Variants in AKAP7 observed in about 807,000 individuals in gnomAD.
The protein encoded by AKAP7 is A kinase (PRKA) anchor protein 7.
A neutral mutation model predicts 39.5 loss-of-function variants in AKAP7; 39 were observed. The ratio of observed to expected loss-of-function variants is 0.99; its 90% CI spans 0.76 to 1.29. The LOEUF (loss-of-function observed/expected upper bound fraction) is 1.29. Ranked by LOEUF, AKAP7 falls within the 50% of genes most tolerant of loss-of-function variation. The pLI is 0.00. For missense variants in AKAP7, 414 were observed against 407.7 expected (o/e 1.02, Z -0.13); for synonymous variants, 140 against 139.1 (o/e 1.01, Z -0.05).
intron 7 of AKAP7, among the ~76,000 whole-genome samples, chr6:131,247,269 G>GTGTATATATA (rs1244438178): frequency 1.5e-4 from 14 of 91,906 alleles, no homozygotes; most frequent in African/African-American, 3.7e-4. Flanking sequence ...CATTTCATAT[G>GTGTATATATA]TATATATATA....
intron 6 of AKAP7, among the ~76,000 whole-genome samples, chr6:131,201,421 A>G (rs911826842): frequency 6.6e-6 from 1 of 152,184 alleles, no homozygotes; most frequent in African/African-American, 2.4e-5. Context: ...AATGCTTAAT[A>G]TTTAGAAAAC....
At chr6:131,240,911 G>A (rs886531407) in intron 7 of AKAP7, among the ~76,000 whole-genome samples, 3 of 151,610 alleles carry the variant, frequency 2.0e-5, no homozygotes, top group African/African-American at 7.3e-5. Flanking sequence ...TGCACCCACT[G>A]TCCTGCACCC....
At chr6:131,228,349 A>G (rs1052143094) in intron 7 of AKAP7, among the ~76,000 whole-genome samples, 3 of 152,210 alleles carry the variant, frequency 2.0e-5, no homozygotes, top group African/African-American at 7.2e-5. Context: ...TAAATCCAAT[A>G]TGCTCACTTA....
At chr6:131,250,493 T>C in intron 7 of AKAP7, 1 of 1,607,382 alleles carries the variant, frequency 6.2e-7, no homozygotes, top group Non-Finnish European at 8.5e-7. Context: ...GCTCGCAGAC[T>C]GTGCTATAAA....
intron 7 of AKAP7, among the ~76,000 whole-genome samples, chr6:131,249,785 A>G (rs1812296252): frequency 6.6e-6 from 1 of 152,138 alleles, no homozygotes; most frequent in Non-Finnish European, 1.5e-5. Flanking sequence ...TCTTTTTGTC[A>G]GTGATGCATC....
intron 1 of AKAP7, among the ~76,000 whole-genome samples, chr6:131,139,063 G>T (rs1158852848): frequency 6.6e-6 from 1 of 152,144 alleles, no homozygotes; most frequent in Non-Finnish European, 1.5e-5. Flanking sequence ...TTATTTTAAG[G>T]CAGTTTTCCA....
upstream of AKAP7, among the ~76,000 whole-genome samples, chr6:131,131,936 TGACA>T (rs1800337710): frequency 6.6e-6 from 1 of 152,152 alleles, no homozygotes; most frequent in Non-Finnish European, 1.5e-5. Flanking sequence ...ATCGGCAAAC[TGACA>T]TAGAGGCTTA....
In AKAP7 at chr6:131,135,749, G is replaced by A. The variant is rs1223702379; in HGVS notation, c.-15G>A. 8.2e-7 allele frequency: 1 copy of A among 1,225,524 alleles called. No homozygotes were observed. The highest frequency in any genetic ancestry group is 3.2e-5 in the East Asian group (1 of 30,952). The allele number at this position is 1,225,524 out of a possible 1,614,324, so 75.9% of individuals were successfully genotyped here. ...TGCCGCCAGCCCAGACGCGCCGCCC[G>A]CATGCGCCGCGACCATGGAGCGCCC... is the stretch of plus-strand genomic sequence containing the variant. On this transcript the variant is annotated 5_prime_UTR_variant, in exon 1 of 8. Transcript: ENST00000431975.
rs531582478 is a variant in AKAP7 at position 131,207,491 on chromosome 6, A to ATTTTTTTTTTTTTTTTTTTTTTTTTTTTT, written c.702+7944_702+7945insTTTTTTTTTTTTTTTTTTTTTTTTTTTTT. On this transcript the variant is annotated intron_variant, in intron 6 of 7. Coordinates refer to ENST00000431975, the MANE Select transcript of AKAP7 (RefSeq NM_016377.4). Reference sequence around the variant, plus strand: ...TGCACACCATGCCTGGCTAATTAAAATTTTTTTTTTTTTTTTTTTTTTTTT... The same window carrying ATTTTTTTTTTTTTTTTTTTTTTTTTTTTT: ...TGCACACCATGCCTGGCTAATTAAAATTTTTTTTTTTTTTTTTTTTTTTTTTTTTTTTTTTTTTTTTTTTTTTTTTTTTT... Among the ~76,000 whole-genome samples, 3 of 78,806 alleles carry ATTTTTTTTTTTTTTTTTTTTTTTTTTTTT rather than the reference A, an allele frequency of 3.8e-5. 1 individual carries two copies. The highest frequency in any genetic ancestry group is 5.1e-5 in the Non-Finnish European group (2 of 39,034). 51.7% of individuals were successfully genotyped at this position (78,806 alleles called of 152,430 possible).
intron 7 of AKAP7, among the ~76,000 whole-genome samples, chr6:131,264,881 G>A (rs1009856190): frequency 2.0e-5 from 3 of 152,130 alleles, no homozygotes; most frequent in Non-Finnish European, 4.4e-5. Flanking sequence ...CTGGTGAGAA[G>A]TGCCACATTC....
chr6:131,273,557 A>G (rs1814476261), intron 7 of AKAP7, among the ~76,000 whole-genome samples: 2 of 152,172 alleles, frequency 1.3e-5, no homozygotes, highest in African/African-American at 4.8e-5. Context: ...ATATTATGCC[A>G]CTTCACGTTT....
intron 1 of AKAP7, among the ~76,000 whole-genome samples, chr6:131,142,690 T>A (rs1487955342): frequency 6.6e-6 from 1 of 152,200 alleles, no homozygotes; most frequent in Non-Finnish European, 1.5e-5. Flanking sequence ...CACTGCCTAG[T>A]GGAGCTGTGG....
At position 131,135,708 on chromosome 6, in the gene AKAP7, G is replaced by C; in HGVS notation, c.-56G>C. On this transcript the variant is annotated 5_prime_UTR_variant, in exon 1 of 8. Coordinates refer to ENST00000431975, the MANE Select transcript of AKAP7 (RefSeq NM_016377.4). Reference sequence around the variant, plus strand: ...GGCCTCGCCTCCAGCCCCGGGACGCGGCCCGCCACCGCCGCTGCCGCCAGC... The same window carrying C: ...GGCCTCGCCTCCAGCCCCGGGACGCCGCCCGCCACCGCCGCTGCCGCCAGC... 2 of 1,182,448 alleles carry C rather than the reference G, an allele frequency of 1.7e-6. No individual in the cohort carries two copies. Among genetic ancestry groups the C allele is most frequent in the Non-Finnish European group, 2.1e-6 (2 of 958,522 alleles). 73.2% of individuals were successfully genotyped at this position (1,182,448 alleles called of 1,614,324 possible). A position where few individuals can be genotyped will look rare whatever the true frequency, so the allele number is the denominator to read the frequency against.
At chr6:131,164,609 G>T (rs1333792046) in intron 3 of AKAP7, 1 of 335,102 alleles carries the variant, frequency 3.0e-6, no homozygotes, top group Non-Finnish European at 5.9e-6. Context: ...TGAGGAACGG[G>T]TTCACAGACA....
Position 131,135,674 on chromosome 6 carries a change from C to T in AKAP7, c.-90C>T, listed in dbSNP as rs1800470682. 2 of 1,082,836 alleles carry T rather than the reference C, an allele frequency of 1.8e-6. No individual in the cohort carries two copies. The highest frequency in any genetic ancestry group is 2.2e-6 in the Non-Finnish European group (2 of 891,442). The allele number at this position is 1,082,836 out of a possible 1,614,324, so 67.1% of individuals were successfully genotyped here. ...CTCAGGCCCCGAGCCCCGCCCTGGC[C>T]TCCGCCTCGGCCTCGCCTCCAGCCC... On this transcript the variant is annotated 5_prime_UTR_variant, in exon 1 of 8. Transcript: ENST00000431975.
intron 7 of AKAP7, among the ~76,000 whole-genome samples, chr6:131,251,395 TATA>T (rs1457094349): frequency 6.6e-6 from 1 of 152,210 alleles, no homozygotes; most frequent in African/African-American, 2.4e-5. Flanking sequence ...TCCTTTTCAA[TATA>T]ATGTTTCCAG....
intron 7 of AKAP7, among the ~76,000 whole-genome samples, chr6:131,271,633 T>C (rs1357077013): frequency 2.6e-5 from 4 of 152,114 alleles, no homozygotes; most frequent in Admixed American, 2.6e-4. Context: ...CACTGCAGCC[T>C]TGATTTTTTT....
At chr6:131,199,995 C>T (rs1415827050) in intron 6 of AKAP7, 1 of 194,134 alleles carries the variant, frequency 5.2e-6, no homozygotes, top group Non-Finnish European at 1.0e-5. Context: ...ACCCCTCTTC[C>T]TGTCGCTCTT....
chr6:131,136,841 G>A (rs941663808), intron 1 of AKAP7: 7 of 985,190 alleles, frequency 7.1e-6, no homozygotes, highest in South Asian at 4.7e-5. Flanking sequence ...ATTTACTAAC[G>A]TGTAAGATGC....
Sources: allele counts gnomAD v4.1 joint callset (sites outside exome capture counted in the v4.1 genomes callset), GRCh38; gene constraint gnomAD v4.1.1; transcripts MANE v1.5; gene names NCBI Gene and HGNC (gene_info 2026-07-23, HGNC 2026-07-21).